Variants in FAM89A observed in about 807,000 individuals in gnomAD.
FAM89A encodes protein FAM89A.
Under a neutral mutation model 7.1 loss-of-function variants are expected in FAM89A, and 10 were observed. That is an observed-to-expected ratio of 1.40 (90% confidence interval 0.86 to 2.38). The LOEUF (loss-of-function observed/expected upper bound fraction) is 2.38. Among genes scored for constraint, FAM89A ranks in the 30% most tolerant of loss-of-function variants. FAM89A has a pLI of 0.00. For missense variants in FAM89A, 276 were observed against 262.8 expected, an observed-to-expected ratio of 1.05 and a Z score of -0.35; for synonymous variants, 157 against 129.3, an observed-to-expected ratio of 1.21 and a Z score of -1.45.
At chr1:231,037,057 G>T (rs1680167501) in intron 1 of FAM89A, among the ~76,000 whole-genome samples, 1 of 152,190 alleles carries the variant, frequency 6.6e-6, no homozygotes, top group Non-Finnish European at 1.5e-5. Context: ...TGATCAATGT[G>T]TTGTATATAT....
At chr1:231,039,851 G>A (rs1680228025) in intron 1 of FAM89A, 70 bp downstream of exon 1, 3 of 1,256,446 alleles carry the variant, frequency 2.4e-6, no homozygotes, top group Non-Finnish European at 3.0e-6. Flanking sequence ...GACAGAGCGC[G>A]GTCCCCGCGA....
chr1:231,026,621 A>C (rs1679977352), intron 1 of FAM89A: 1 of 152,002 alleles, frequency 6.6e-6, no homozygotes, highest in Non-Finnish European at 1.5e-5. Flanking sequence ...ACAAAAACCA[A>C]ACCTGTGTTC....
chr1:231,019,788 C>T lies in FAM89A; in HGVS notation c.*75G>A. On this transcript the variant is annotated 3_prime_UTR_variant, in exon 2 of 2. Transcript: ENST00000366654. Reference sequence around the variant, plus strand: ...CGTCCACAACGGAGGTGCTTTCTTGCAAGAGAAGCAGCAAATGATGACAGC... The same window carrying T: ...CGTCCACAACGGAGGTGCTTTCTTGTAAGAGAAGCAGCAAATGATGACAGC... 6.5e-7 allele frequency: 1 copy of T among 1,527,516 alleles called. No individual in the cohort carries two copies. The highest frequency in any genetic ancestry group is 8.9e-7 in the Non-Finnish European group (1 of 1,126,054). 94.6% of individuals were successfully genotyped at this position (1,527,516 alleles called of 1,614,324 possible).
At chr1:231,030,686 T>C (rs755128590) in intron 1 of FAM89A, among the ~76,000 whole-genome samples, 2 of 152,228 alleles carry the variant, frequency 1.3e-5, no homozygotes, top group African/African-American at 2.4e-5. Flanking sequence ...TTCCCTGTTA[T>C]AAAATAGCAG....
Position 231,022,209 on chromosome 1 carries a change from C to T in FAM89A, c.292-2083G>A, listed in dbSNP as rs1358418115. ...AGTATTCAGAGACGCCCAGGAGAGACGGATGGACAATCAGGTTCTCCAGTG... is the reference window on the plus strand; with the variant it reads ...AGTATTCAGAGACGCCCAGGAGAGATGGATGGACAATCAGGTTCTCCAGTG... On this transcript the variant is annotated intron_variant, in intron 1 of 1. Transcript: ENST00000366654. 27 of 970,848 alleles carry T rather than the reference C, an allele frequency of 2.8e-5. 1 individual carries two copies. The highest frequency in any genetic ancestry group is 3.5e-5 in the Non-Finnish European group (21 of 595,786). 60.1% of individuals were successfully genotyped at this position (970,848 alleles called of 1,614,324 possible). A position where few individuals can be genotyped will look rare whatever the true frequency, so the allele number is the denominator to read the frequency against.
At chr1:231,039,355 G>A (rs1033195767) in intron 1 of FAM89A, among the ~76,000 whole-genome samples, 11 of 152,222 alleles carry the variant, frequency 7.2e-5, no homozygotes, top group African/African-American at 1.9e-4. Context: ...CTCGCCCGGG[G>A]TGCGCGTCTG....
At chr1:231,031,301 A>G (rs1680064310) in intron 1 of FAM89A, among the ~76,000 whole-genome samples, 1 of 152,208 alleles carries the variant, frequency 6.6e-6, no homozygotes, top group Non-Finnish European at 1.5e-5. Context: ...GTATTTCAAT[A>G]GCCTTTTCAG....
chr1:231,025,903 G>A (rs1679960612), intron 1 of FAM89A: 1 of 152,142 alleles, frequency 6.6e-6, no homozygotes. Context: ...TGATTTTCCT[G>A]GGCCACTTAT....
intron 1 of FAM89A, among the ~76,000 whole-genome samples, chr1:231,036,582 A>G (rs1013644855): frequency 6.6e-6 from 1 of 152,016 alleles, no homozygotes; most frequent in Non-Finnish European, 1.5e-5. Context: ...GAAGTGTTGA[A>G]ACGTGGAGCT....
In FAM89A at chr1:231,039,977, GCGCTGCCGCCCGGGCCC is replaced by G. The variant is rs974757447; in HGVS notation, c.218_234del (p.Gly73AlafsTer66). ...TCCAGGTTGGGAGGCTTGGCGGGCA[GCGCTGCCGCCCGGGCCC>G]CGCCGCCGCCCGGGCCCCCGCGGCT... On this transcript the variant is annotated frameshift_variant, in exon 1 of 2. Coordinates refer to ENST00000366654, the MANE Select transcript of FAM89A (RefSeq NM_198552.3). LOFTEE classifies it high-confidence loss of function. 32 of 1,377,006 alleles carry G rather than the reference GCGCTGCCGCCCGGGCCC, an allele frequency of 2.3e-5. 1 individual carries two copies. The highest frequency in any genetic ancestry group is 2.6e-4 in the Middle Eastern group (1 of 3,784). The allele number at this position is 1,377,006 out of a possible 1,614,324, so 85.3% of individuals were successfully genotyped here. A position where few individuals can be genotyped will look rare whatever the true frequency, so the allele number is the denominator to read the frequency against.
chr1:231,026,326 C>T (rs4133249), intron 1 of FAM89A: 100,264 of 152,260 alleles, frequency 0.66, 33,234 homozygotes, highest in Admixed American at 0.69. Context: ...AGGGTGACAA[C>T]GTGCCAGTGA....
At chr1:231,036,853 C>A (rs1680163592) in intron 1 of FAM89A, among the ~76,000 whole-genome samples, 1 of 152,172 alleles carries the variant, frequency 6.6e-6, no homozygotes, top group African/African-American at 2.4e-5. Flanking sequence ...TACCTTCCTC[C>A]CTAAAGCAGC....
intron 1 of FAM89A, among the ~76,000 whole-genome samples, chr1:231,032,366 A>ACCCCCCCCCCCCCCCCCCC (rs1680088163): frequency 1.0e-5 from 1 of 100,234 alleles, no homozygotes. Context: ...ACACCGCCCC[A>ACCCCCCCCCCCCCCCCCCC]CCCCACCCCG....
intron 1 of FAM89A, among the ~76,000 whole-genome samples, chr1:231,028,946 A>C (rs1241299351): frequency 1.3e-5 from 2 of 152,204 alleles, no homozygotes; most frequent in African/African-American, 4.8e-5. Flanking sequence ...TTTTCAAAAC[A>C]GTAGGCTCCA....
At chr1:231,022,324 T>A (rs1679893469) in intron 1 of FAM89A, 1 of 630,038 alleles carries the variant, frequency 1.6e-6, no homozygotes, top group African/African-American at 1.8e-5. Flanking sequence ...AACCCCTTCC[T>A]TTTGTTATCT....
intron 1 of FAM89A, chr1:231,026,164 G>A (rs1413587976): frequency 6.5e-6 from 1 of 154,462 alleles, no homozygotes; most frequent in Admixed American, 6.6e-5. Flanking sequence ...ACTCACCTCA[G>A]GAAGGAGCAG....
Position 231,040,158 on chromosome 1 carries a change from C to T in FAM89A, c.54G>A (p.Gly18=), listed in dbSNP as rs968915711. ...PGAAGNGAVR[G]LRVDGLPPLP... ...GCGGGGGCAGCCCGTCCACCCGCAG[C>T]CCCCGGACCGCGCCGTTGCCCGCGG... is the stretch of plus-strand genomic sequence containing the variant. The change falls in exon 1 of 2, where the codon GGG becomes GGA. Residue 18 remains glycine (G), a synonymous_variant. Transcript: ENST00000366654. 4.1e-6 allele frequency: 5 copies of T among 1,227,420 alleles called. No homozygotes were observed. In the African/African-American group the frequency reaches 4.8e-5, roughly 12 times the overall value. The allele number at this position is 1,227,420 out of a possible 1,614,324, so 76.0% of individuals were successfully genotyped here. A position where few individuals can be genotyped will look rare whatever the true frequency, so the allele number is the denominator to read the frequency against.
At chr1:231,028,034 A>T (rs950878763) in intron 1 of FAM89A, among the ~76,000 whole-genome samples, 2 of 152,224 alleles carry the variant, frequency 1.3e-5, no homozygotes, top group African/African-American at 4.8e-5. Context: ...CTCAGAGCAG[A>T]CAGGCAGATA....
At chr1:231,035,443 A>C (rs4658914) in intron 1 of FAM89A, among the ~76,000 whole-genome samples, 27,812 of 152,176 alleles carry the variant, frequency 0.18, 3,004 homozygotes, top group Admixed American at 0.26. Flanking sequence ...CTGTGGGAGC[A>C]GCTGAACCCA....
Sources: gnomAD v4.1 joint callset for allele counts (sites outside exome capture counted in the v4.1 genomes callset) on GRCh38, gnomAD v4.1.1 for gene constraint, MANE v1.5 for transcripts, NCBI Gene and HGNC (gene_info 2026-07-23, HGNC 2026-07-21) for gene names.